DENND2C: variants seen among roughly 807,000 people sequenced by gnomAD.
DENND2C encodes DENN domain-containing protein 2C.
Under a neutral mutation model 112.4 loss-of-function variants are expected in DENND2C, and 72 were observed. That is an observed-to-expected ratio of 0.64 (90% CI 0.53 to 0.78). The LOEUF is 0.78. Among genes scored for constraint, DENND2C ranks in the 30% least tolerant of loss-of-function variants. The probability of loss-of-function intolerance (pLI) is 0.00; values close to 1 mark genes in which losing one functional copy is unlikely to be tolerated. For synonymous variants in DENND2C, 329 were observed against 381.6 expected (o/e 0.86, Z 1.61); for missense variants, 992 against 1,113.8 (o/e 0.89, Z 1.56).
Position 114,585,621 on chromosome 1 carries a change from C to T in DENND2C, c.2766G>A (p.Met922Ile), listed in dbSNP as rs1297318261. 1 of 1,613,614 alleles carries T rather than the reference C, an allele frequency of 6.2e-7. No homozygotes were observed. The highest frequency in any genetic ancestry group is 1.3e-5 in the African/African-American group (1 of 74,910). The change falls in exon 21 of 21, where the codon ATG (methionine) becomes ATA (isoleucine). Residue 922 changes from methionine (M) to isoleucine (I), a missense_variant. Physicochemically the swap from Met to Ile is conservative, Grantham distance 10. Transcript: ENST00000393274. ...NRILRSLGSK[M>I]KFLQKK ...GATTTCATTTCTTTTGCAGAAATTTCATTTTGCTTCCTAAAGGGAAAGAAA... is the reference window on the plus strand; with the variant it reads ...GATTTCATTTCTTTTGCAGAAATTTTATTTTGCTTCCTAAAGGGAAAGAAA...
chr1:114,610,978 T>C lies in DENND2C; in HGVS notation c.1369+95A>G, dbSNP rs1422666555. 7.1e-6 allele frequency: 10 copies of C among 1,414,318 alleles called. No individual in the cohort carries two copies. In the East Asian group the frequency reaches 1.6e-4, roughly 23 times the overall value. 87.6% of individuals were successfully genotyped at this position (1,414,318 alleles called of 1,614,324 possible). A position where few individuals can be genotyped will look rare whatever the true frequency, so the allele number is the denominator to read the frequency against. On this transcript the variant is annotated intron_variant, in intron 9 of 20. Coordinates refer to ENST00000393274, the MANE Select transcript of DENND2C (RefSeq NM_001256404.2). ...AAATCATCTACAAAATGGAACTTCA[T>C]GTGGGAAAAAACATGCTTAGTCACA... is the stretch of plus-strand genomic sequence containing the variant.
chr1:114,666,161 C>T (rs1369166428), intron 1 of DENND2C, among the ~76,000 whole-genome samples: 3 of 152,176 alleles, frequency 2.0e-5, no homozygotes. Context: ...AAATTCTACA[C>T]CTTCACTATC....
intron 16 of DENND2C, among the ~76,000 whole-genome samples, chr1:114,597,352 G>C (rs1331823074): frequency 6.6e-6 from 1 of 152,026 alleles, no homozygotes; most frequent in Admixed American, 6.6e-5. Flanking sequence ...GCTGAGACAG[G>C]AGAATCGCTT....
chr1:114,590,768 G>C lies in DENND2C; in HGVS notation c.2432-2816C>G, dbSNP rs557894008. Among the ~76,000 whole-genome samples the C allele has an allele frequency of 4.1e-3, 452 of 109,654 alleles. 4 individuals carry two copies. Among genetic ancestry groups the C allele is most frequent in the African/African-American group, 0.015 (429 of 27,776 alleles). The allele number at this position is 109,654 out of a possible 152,430, so 71.9% of individuals were successfully genotyped here. ...CACTCCAGCCTGGGCGACAGAGCGA[G>C]ACTCCGTCTCAAAAAAAAAAAAAAA... On this transcript the variant is annotated intron_variant, in intron 18 of 20. Coordinates refer to ENST00000393274, the MANE Select transcript of DENND2C (RefSeq NM_001256404.2).
intron 1 of DENND2C, among the ~76,000 whole-genome samples, chr1:114,664,104 A>AT (rs979813130): frequency 6.6e-6 from 1 of 151,928 alleles, no homozygotes; most frequent in Non-Finnish European, 1.5e-5. Flanking sequence ...ATGCCAGCTA[A>AT]TTTTTTAAAA....
At chr1:114,613,801 A>C (rs1034579620) in intron 8 of DENND2C, among the ~76,000 whole-genome samples, 2 of 152,182 alleles carry the variant, frequency 1.3e-5, no homozygotes, top group African/African-American at 2.4e-5. Context: ...CCAAGAGAAA[A>C]ATCTACTGAG....
Position 114,608,672 on chromosome 1 carries a change from C to T in DENND2C, c.1557+14G>A, listed in dbSNP as rs775497616. 3 of 1,611,352 alleles carry T rather than the reference C, an allele frequency of 1.9e-6. No homozygotes were observed. The highest frequency in any genetic ancestry group is 1.1e-5 in the South Asian group (1 of 90,668). On this transcript the variant is annotated intron_variant, in intron 10 of 20. Transcript: ENST00000393274. Reference sequence around the variant, plus strand: ...GGAACATTCCTGAATGCCTCTTGGCCTCCTTGTGCCTACCTTGCCAGGGAA... The same window carrying T: ...GGAACATTCCTGAATGCCTCTTGGCTTCCTTGTGCCTACCTTGCCAGGGAA...
chr1:114,615,805 G>C (rs1363195241), intron 8 of DENND2C, among the ~76,000 whole-genome samples: 1 of 152,238 alleles, frequency 6.6e-6, no homozygotes, highest in East Asian at 1.9e-4. Context: ...GCCGGGCGCA[G>C]TGGCTCACGC....
At chr1:114,610,215 G>A (rs1161015661) in intron 9 of DENND2C, among the ~76,000 whole-genome samples, 1 of 152,220 alleles carries the variant, frequency 6.6e-6, no homozygotes, top group Non-Finnish European at 1.5e-5. Context: ...ATCGTTAGAT[G>A]AAGGATGAAG....
In DENND2C at chr1:114,600,322, G is replaced by A. The variant is rs1444635401; in HGVS notation, c.1987C>T (p.Arg663Ter). The A allele has an allele frequency of 1.3e-5, 21 of 1,613,938 alleles. No individual in the cohort carries two copies. The highest frequency in any genetic ancestry group is 1.7e-5 in the Admixed American group (1 of 59,992). The change falls in exon 15 of 21, where the codon CGA (arginine) becomes TGA (stop). Residue 663 changes from arginine (R) to a stop codon, truncating the protein, a stop_gained. Coordinates refer to ENST00000393274, the MANE Select transcript of DENND2C (RefSeq NM_001256404.2). LOFTEE classifies it high-confidence loss of function. ...CATTTAAAATCAACATGTTCCAATC[G>A]GGAATCTAGTGGTCGGCAGAGTTCA... ...SIELCRPLDS[R>*]LEHVDFKCLF...
Position 114,619,675 on chromosome 1 carries a change from CAA to C in DENND2C, c.1228-1195_1228-1194del, listed in dbSNP as rs541671450. Among the ~76,000 whole-genome samples, 40 of 151,914 alleles carry C rather than the reference CAA, an allele frequency of 2.6e-4. No homozygotes were observed. The East Asian group carries it at 7.3e-3, about 28-fold the overall frequency. Reference sequence around the variant, plus strand: ...TCTTAAATATTACTATTACAAAAAACAAGAGAATCTAAAATAAAAAAGTACTA... The same window carrying C: ...TCTTAAATATTACTATTACAAAAAACGAGAATCTAAAATAAAAAAGTACTA... On this transcript the variant is annotated intron_variant, in intron 7 of 20. Transcript: ENST00000393274.
intron 1 of DENND2C, among the ~76,000 whole-genome samples, chr1:114,663,137 T>C (rs114725253): frequency 1.6e-3 from 241 of 152,290 alleles, no homozygotes; most frequent in African/African-American, 5.7e-3. Flanking sequence ...GAAGACATTA[T>C]CATGTTTTCT....
chr1:114,588,762 T>C (rs568479193), intron 18 of DENND2C, among the ~76,000 whole-genome samples: 1 of 152,316 alleles, frequency 6.6e-6, no homozygotes, highest in East Asian at 1.9e-4. Context: ...ATAAAGATTT[T>C]TTTTCCCCAA....
chr1:114,640,106 G>C (rs1047316912), intron 3 of DENND2C, among the ~76,000 whole-genome samples: 3 of 152,184 alleles, frequency 2.0e-5, no homozygotes, highest in Non-Finnish European at 4.4e-5. Context: ...TTCCATTTGA[G>C]ATTCTTCCAG....
chr1:114,664,433 T>G (rs1384394693), intron 1 of DENND2C, among the ~76,000 whole-genome samples: 2 of 152,092 alleles, frequency 1.3e-5, no homozygotes, highest in Middle Eastern at 3.2e-3. Flanking sequence ...GGCAACACAG[T>G]GAAACCCCAT....
chr1:114,667,221 C>T (rs1024308732), intron 1 of DENND2C, among the ~76,000 whole-genome samples: 1 of 152,288 alleles, frequency 6.6e-6, no homozygotes, highest in Middle Eastern at 3.4e-3. Context: ...AATGATTTTT[C>T]CTCATCAGTG....
At chr1:114,648,757 C>T (rs1166900459) in intron 2 of DENND2C, among the ~76,000 whole-genome samples, 1 of 152,048 alleles carries the variant, frequency 6.6e-6, no homozygotes, top group East Asian at 1.9e-4. Context: ...AAAGAGCTGA[C>T]ATGTAGCTAA....
intron 8 of DENND2C, among the ~76,000 whole-genome samples, chr1:114,614,067 AC>A (rs1655892291): frequency 6.6e-6 from 1 of 152,110 alleles, no homozygotes; most frequent in Non-Finnish European, 1.5e-5. Context: ...TTTTGTCTCT[AC>A]GAAAAATTAA....
intron 1 of DENND2C, among the ~76,000 whole-genome samples, chr1:114,665,641 C>A (rs1440531148): frequency 6.6e-6 from 1 of 152,152 alleles, no homozygotes; most frequent in African/African-American, 2.4e-5. Context: ...TGAGGAGCAT[C>A]TGTACTTCTG....
Sources: allele counts gnomAD v4.1 joint callset (sites outside exome capture counted in the v4.1 genomes callset), GRCh38; gene constraint gnomAD v4.1.1; transcripts MANE v1.5; gene names NCBI Gene and HGNC (gene_info 2026-07-23, HGNC 2026-07-21).